Variants in TIAM1 observed in about 807,000 individuals in gnomAD.
TIAM1 encodes the protein rho guanine nucleotide exchange factor TIAM1.
TIAM1 carries 65 observed loss-of-function variants against 163.5 expected under a neutral mutation model. That is an observed-to-expected ratio of 0.40 (90% CI 0.33 to 0.49). TIAM1 has a LOEUF of 0.49. Among genes scored for constraint, TIAM1 ranks in the 20% least tolerant of loss-of-function variants. TIAM1 has a pLI of 0.77. For missense variants in TIAM1, 1,789 were observed against 2,044.7 expected, an observed-to-expected ratio of 0.87 and a Z score of 2.41; for synonymous variants, 833 against 810.1, an observed-to-expected ratio of 1.03 and a Z score of -0.48.
chr21:31,526,222 T>A (rs1387835376), intron 1 of TIAM1, among the ~76,000 whole-genome samples: 2 of 151,864 alleles, frequency 1.3e-5, no homozygotes, highest in African/African-American at 4.8e-5. Context: ...GAGATCTGGG[T>A]CTTCACAGCA....
chr21:31,521,834 T>C (rs2047605167), intron 1 of TIAM1, among the ~76,000 whole-genome samples: 1 of 152,120 alleles, frequency 6.6e-6, no homozygotes, highest in African/African-American at 2.4e-5. Flanking sequence ...AGTATCACTC[T>C]GGCCCAGGCT....
Position 31,281,827 on chromosome 21 carries a change from G to C in TIAM1, c.-188-4919C>G, listed in dbSNP as rs146981266. Among the ~76,000 whole-genome samples, 17 of 152,140 alleles carry C rather than the reference G, an allele frequency of 1.1e-4. No individual in the cohort carries two copies. In the East Asian group the frequency reaches 3.1e-3, roughly 28 times the overall value. On this transcript the variant is annotated intron_variant, in intron 2 of 27. Transcript: ENST00000541036. Reference sequence around the variant, plus strand: ...AGATGGGTGGATGGATGGATAGAGTGATAGTGGATGGTGAATGGATAATTG... The same window carrying C: ...AGATGGGTGGATGGATGGATAGAGTCATAGTGGATGGTGAATGGATAATTG...
chr21:31,478,415 T>C lies in TIAM1; in HGVS notation c.-421-14380A>G, dbSNP rs566374593. On this transcript the variant is annotated intron_variant, in intron 1 of 28. Coordinates refer to the TIAM1 transcript ENST00000286827. ...TGTAGAGTTAAAAGTGAACAAATTA[T>C]ATCCTCATTGTCACTCCCCAGAGGT... 3.3e-5 allele frequency among the ~76,000 whole-genome samples: 5 copies of C among 152,336 alleles called. No individual in the cohort carries two copies. The South Asian group carries it at 1.0e-3, about 32-fold the overall frequency.
At chr21:31,226,833 C>T (rs2088005631) in intron 6 of TIAM1, among the ~76,000 whole-genome samples, 2 of 151,984 alleles carry the variant, frequency 1.3e-5, no homozygotes, top group South Asian at 2.1e-4. Context: ...CACTACAATA[C>T]TAAAGGAGCT....
At chr21:31,195,423 A>C in intron 12 of TIAM1, 118 bp from the exon 13 acceptor site, 1 of 710,098 alleles carries the variant, frequency 1.4e-6, no homozygotes, top group South Asian at 1.9e-5. Flanking sequence ...TGCACTTCAC[A>C]ATCTTATCAT....
intron 2 of TIAM1, among the ~76,000 whole-genome samples, chr21:31,407,141 G>T (rs1361612433): frequency 6.6e-6 from 1 of 152,182 alleles, no homozygotes; most frequent in Admixed American, 6.5e-5. Flanking sequence ...TGTGGTTTCT[G>T]AAGTGTTGCC....
At chr21:31,212,050 C>T (rs2086911164) in intron 10 of TIAM1, among the ~76,000 whole-genome samples, 1 of 152,194 alleles carries the variant, frequency 6.6e-6, no homozygotes, top group Non-Finnish European at 1.5e-5. Flanking sequence ...GCTTGGATTG[C>T]ACATAGGCCC....
chr21:31,460,925 A>G (rs1422533101), intron 2 of TIAM1, among the ~76,000 whole-genome samples: 1 of 152,262 alleles, frequency 6.6e-6, no homozygotes, highest in Non-Finnish European at 1.5e-5. Context: ...TTTTACATAA[A>G]GAATTCAATA....
At chr21:31,224,289 T>C (rs1412191278) in intron 7 of TIAM1, among the ~76,000 whole-genome samples, 3 of 152,200 alleles carry the variant, frequency 2.0e-5, no homozygotes, top group African/African-American at 4.8e-5. Flanking sequence ...CAACAAAATA[T>C]ATATCACTGT....
intron 23 of TIAM1, 71 bp from the exon 24 acceptor site, chr21:31,131,019 G>T: frequency 7.5e-7 from 1 of 1,336,830 alleles, no homozygotes; most frequent in Non-Finnish European, 1.1e-6. Flanking sequence ...TCACCAACTT[G>T]TGGTAATAAA....
chr21:31,315,679 C>CAAAAA (rs58560437), intron 2 of TIAM1, among the ~76,000 whole-genome samples: 81 of 80,236 alleles, frequency 1.0e-3, no homozygotes, highest in Non-Finnish European at 1.6e-3. Flanking sequence ...AACTCCATCT[C>CAAAAA]AAAAAAAAAA....
At chr21:31,361,821 C>A (rs2076409890) in intron 2 of TIAM1, among the ~76,000 whole-genome samples, 1 of 145,658 alleles carries the variant, frequency 6.9e-6, no homozygotes, top group African/African-American at 2.6e-5. Context: ...TCATAGATTC[C>A]TTTGAGGAAG....
intron 2 of TIAM1, among the ~76,000 whole-genome samples, chr21:31,316,070 ATT>A (rs1433817315): frequency 6.6e-6 from 1 of 152,158 alleles, no homozygotes; most frequent in Non-Finnish European, 1.5e-5. Flanking sequence ...ACCTTCACTC[ATT>A]TCTTCTACAT....
At chr21:31,439,474 G>C (rs780131259) in intron 2 of TIAM1, among the ~76,000 whole-genome samples, 2 of 152,132 alleles carry the variant, frequency 1.3e-5, no homozygotes, top group Non-Finnish European at 2.9e-5. Flanking sequence ...ATTTTTACTA[G>C]AGACAGTGTT....
At chr21:31,424,759 G>A (rs1338466648) in intron 2 of TIAM1, among the ~76,000 whole-genome samples, 1 of 152,166 alleles carries the variant, frequency 6.6e-6, no homozygotes, top group East Asian at 1.9e-4. Flanking sequence ...CACATCAAAA[G>A]TGCTAAGATG....
At chr21:31,253,981 A>G (rs1470011599) in intron 4 of TIAM1, among the ~76,000 whole-genome samples, 3 of 152,224 alleles carry the variant, frequency 2.0e-5, no homozygotes, top group African/African-American at 7.2e-5. Flanking sequence ...GTTACACAAG[A>G]TGAGTCTGTG....
chr21:31,463,992 G>A (rs190306244), exon 2 of TIAM1: 5 of 152,274 alleles, frequency 3.3e-5, no homozygotes, highest in Admixed American at 6.5e-5. Context: ...CCATATGACC[G>A]TCAGGCTTCT....
At chr21:31,551,232 A>AAAACAG (rs2048674895) in intron 1 of TIAM1, among the ~76,000 whole-genome samples, 1 of 151,680 alleles carries the variant, frequency 6.6e-6, no homozygotes, top group African/African-American at 2.4e-5. Context: ...AACAAAAACA[A>AAAACAG]GAATAAAAGA....
At chr21:31,298,664 C>T (rs1264473776) in intron 2 of TIAM1, among the ~76,000 whole-genome samples, 2 of 151,398 alleles carry the variant, frequency 1.3e-5, no homozygotes, top group African/African-American at 2.4e-5. Context: ...TAATCACTAA[C>T]GTGACAGACG....
Sources: allele counts gnomAD v4.1 joint callset (sites outside exome capture counted in the v4.1 genomes callset), GRCh38; gene constraint gnomAD v4.1.1; transcripts MANE v1.5; gene names NCBI Gene and HGNC (gene_info 2026-07-23, HGNC 2026-07-21).